The following CCSER2 variants were observed in gnomAD, a reference collection of about 807,000 sequenced individuals.
The protein encoded by CCSER2 is coiled-coil serine rich protein 2, also known as serine-rich coiled-coil domain-containing protein 2.
A neutral mutation model predicts 92.3 loss-of-function variants in CCSER2; 46 were observed. The observed-to-expected ratio is 0.50, with a 90% CI of 0.39 to 0.64. The LOEUF is 0.64. CCSER2 is among the 30% of genes least tolerant of loss of function. The probability of loss-of-function intolerance (pLI) is 0.00; values close to 1 mark genes in which losing one functional copy is unlikely to be tolerated. For missense variants in CCSER2, 1,244 were observed against 1,238.9 expected (o/e 1.00, Z -0.06); for synonymous variants, 433 against 431.4 (o/e 1.00, Z -0.04).
At chr10:84,425,681 T>G in intron 4 of CCSER2, 50 bp from the exon 5 acceptor site, 1 of 1,324,298 alleles carries the variant, frequency 7.6e-7, no homozygotes, top group South Asian at 1.9e-5. Flanking sequence ...AGAGTCAACT[T>G]TTATGGAGTA....
intron 1 of CCSER2, among the ~76,000 whole-genome samples, chr10:84,345,392 A>G (rs1844421246): frequency 1.3e-5 from 2 of 152,208 alleles, no homozygotes; most frequent in South Asian, 4.1e-4. Context: ...CTTTAAAAGC[A>G]TTTAGTATTT....
chr10:84,513,840 A>G lies in CCSER2; in HGVS notation c.2717A>G (p.Asn906Ser). 1 of 1,536,274 alleles carries G rather than the reference A, an allele frequency of 6.5e-7. No individual in the cohort carries two copies. Among genetic ancestry groups the G allele is most frequent in the Non-Finnish European group, 8.7e-7 (1 of 1,146,940 alleles). The change falls in exon 10 of 10, where the codon AAT (asparagine) becomes AGT (serine). Residue 906 changes from asparagine (N) to serine (S), a missense_variant. Physicochemically the swap from Asn to Ser is conservative, Grantham distance 46 (BLOSUM62 1). Transcript: ENST00000372088. ...TVDQAKRVGR[N>S]QSPPVGYMSQ... Reference sequence around the variant, plus strand: ...GACCAGGCTAAGAGAGTTGGAAGAAATCAGTCTCCGCCAGTGGGTTATATG... The same window carrying G: ...GACCAGGCTAAGAGAGTTGGAAGAAGTCAGTCTCCGCCAGTGGGTTATATG...
intron 1 of CCSER2, among the ~76,000 whole-genome samples, chr10:84,336,114 G>A (rs1393398899): frequency 1.3e-5 from 2 of 152,306 alleles, no homozygotes; most frequent in African/African-American, 4.8e-5. Flanking sequence ...GTACTAGCTA[G>A]AGATGTAGAC....
At chr10:84,359,854 T>C (rs1360896361) in intron 1 of CCSER2, among the ~76,000 whole-genome samples, 1 of 152,070 alleles carries the variant, frequency 6.6e-6, no homozygotes, top group Non-Finnish European at 1.5e-5. Flanking sequence ...CACTCTGTTG[T>C]CCAGGCTGGA....
intron 1 of CCSER2, among the ~76,000 whole-genome samples, chr10:84,364,463 G>A (rs565603807): frequency 2.6e-5 from 4 of 152,196 alleles, no homozygotes; most frequent in East Asian, 3.9e-4. Flanking sequence ...ACTTGAACCC[G>A]AATCCTCTTT....
chr10:84,335,879 T>C lies in CCSER2; in HGVS notation c.-40+7071T>C, dbSNP rs78797694. On this transcript the variant is annotated intron_variant, in intron 1 of 9. Coordinates refer to ENST00000372088, the MANE Select transcript of CCSER2 (RefSeq NM_001284240.2). ...TTAGAAAAACAGGGACTATTCATAA[T>C]AGCTATTTAAGTCTGTAGAATGGAC... 6.2e-3 allele frequency among the ~76,000 whole-genome samples: 945 copies of C among 152,304 alleles called. 12 individuals are homozygous for C. Among genetic ancestry groups the C allele is most frequent in the African/African-American group, 0.022 (913 of 41,560 alleles).
chr10:84,472,618 A>C (rs1049453422), intron 8 of CCSER2, among the ~76,000 whole-genome samples: 2 of 152,190 alleles, frequency 1.3e-5, no homozygotes, highest in Non-Finnish European at 2.9e-5. Context: ...AATTATTCTC[A>C]TCAAAAATAT....
intron 2 of CCSER2, 123 bp from the exon 3 acceptor site, chr10:84,373,496 G>T: frequency 2.9e-6 from 2 of 684,146 alleles, no homozygotes; most frequent in Non-Finnish European, 4.9e-6. Context: ...AAATGCTACA[G>T]TTATGAGTGC....
chr10:84,460,194 A>G lies in CCSER2; in HGVS notation c.2065-3739A>G, dbSNP rs140882984. On this transcript the variant is annotated intron_variant, in intron 6 of 9. Coordinates refer to ENST00000372088, the MANE Select transcript of CCSER2 (RefSeq NM_001284240.2). ...AACCTCTGCCTCCCAGGTTCAAGCA[A>G]TTCTCCTGCCTTGGCCTCCTGAGTA... is the stretch of plus-strand genomic sequence containing the variant. 6.1e-3 allele frequency among the ~76,000 whole-genome samples: 895 copies of G among 147,498 alleles called. 6 individuals carry two copies. Among genetic ancestry groups the G allele is most frequent in the African/African-American group, 0.02 (817 of 39,978 alleles).
intron 1 of CCSER2, among the ~76,000 whole-genome samples, chr10:84,344,862 C>G (rs1388261306): frequency 6.6e-6 from 1 of 152,150 alleles, no homozygotes; most frequent in African/African-American, 2.4e-5. Context: ...CACGCACTCA[C>G]TAGCTATGTG....
At chr10:84,491,223 G>A (rs1217858212) in intron 9 of CCSER2, among the ~76,000 whole-genome samples, 1 of 152,186 alleles carries the variant, frequency 6.6e-6, no homozygotes, top group Admixed American at 6.5e-5. Flanking sequence ...TCCATTCTCA[G>A]ATCTCAAACC....
intron 3 of CCSER2, among the ~76,000 whole-genome samples, chr10:84,381,699 A>C (rs1456756455): frequency 6.6e-6 from 1 of 152,030 alleles, no homozygotes; most frequent in Non-Finnish European, 1.5e-5. Flanking sequence ...AGGCTGAGGC[A>C]GGTGGATCAC....
intron 9 of CCSER2, among the ~76,000 whole-genome samples, chr10:84,488,969 T>C (rs1222952375): frequency 2.0e-5 from 3 of 152,226 alleles, no homozygotes; most frequent in Admixed American, 1.3e-4. Context: ...AAAGAACATC[T>C]TTATTTCTGC....
At chr10:84,429,279 T>G (rs1221435757) in intron 5 of CCSER2, among the ~76,000 whole-genome samples, 3 of 152,086 alleles carry the variant, frequency 2.0e-5, no homozygotes, top group Non-Finnish European at 2.9e-5. Context: ...TCTGTAGATG[T>G]CTTTTTGGTC....
At chr10:84,330,139 A>G (rs575379084) in intron 1 of CCSER2, among the ~76,000 whole-genome samples, 4 of 152,200 alleles carry the variant, frequency 2.6e-5, no homozygotes, top group Admixed American at 1.3e-4. Flanking sequence ...GGAGGAAGGG[A>G]CTTTGAATCC....
intron 9 of CCSER2, among the ~76,000 whole-genome samples, chr10:84,486,403 C>G (rs1361798194): frequency 6.6e-6 from 1 of 152,192 alleles, no homozygotes. Context: ...TCTCCAGCAC[C>G]TGTTGTTTCC....
chr10:84,435,816 T>C (rs2133488461), intron 5 of CCSER2, among the ~76,000 whole-genome samples: 1 of 152,316 alleles, frequency 6.6e-6, no homozygotes, highest in East Asian at 1.9e-4. Context: ...CAGGTCGCTA[T>C]AAAAACACCT....
At chr10:84,390,304 G>T (rs983633068) in intron 3 of CCSER2, among the ~76,000 whole-genome samples, 2 of 152,048 alleles carry the variant, frequency 1.3e-5, no homozygotes, top group Admixed American at 6.6e-5. Context: ...ATTTAACAAT[G>T]GAAATACATT....
intron 3 of CCSER2, chr10:84,392,094 G>C (rs1841552027): frequency 1.3e-6 from 1 of 783,042 alleles, no homozygotes; most frequent in Non-Finnish European, 2.2e-6. Context: ...TTCAGTCTTG[G>C]AGACTATGAG....
Sources: gnomAD v4.1 joint callset for allele counts (sites outside exome capture counted in the v4.1 genomes callset) on GRCh38, gnomAD v4.1.1 for gene constraint, MANE v1.5 for transcripts, NCBI Gene and HGNC (gene_info 2026-07-23, HGNC 2026-07-21) for gene names.